The following PCDHA7 variants were observed in gnomAD, a reference collection of about 807,000 sequenced individuals.
The protein encoded by PCDHA7 is protocadherin alpha-7.
In PCDHA7, 37 loss-of-function variants were observed where a neutral mutation model predicts 57.2. The ratio of observed to expected loss-of-function variants is 0.65; its 90% CI spans 0.50 to 0.85. The LOEUF (loss-of-function observed/expected upper bound fraction) is 0.85, where lower values mean the gene tolerates loss of function less well. PCDHA7 is among the 40% of genes least tolerant of loss of function. The pLI is 0.00. For synonymous variants in PCDHA7, 553 were observed against 558.8 expected (o/e 0.99, Z 0.15); for missense variants, 1,188 against 1,241.8 (o/e 0.96, Z 0.65).
chr5:140,835,821 G>C lies in PCDHA7; in HGVS notation c.1438G>C (p.Gly480Arg), dbSNP rs2150245813. Residue 480 changes from glycine (G) to arginine (R), a missense_variant, in exon 1 of 4, where the codon GGG becomes CGG. Gly to Arg is a moderately radical substitution (Grantham distance 125). Transcript: ENST00000525929. ...PGCHIFTVSA[G>R]DADAQKNALV... ...CTGCCACATCTTCACTGTGTCGGCG[G>C]GGGACGCGGACGCGCAGAAGAACGC... 3.1e-6 allele frequency: 5 copies of C among 1,612,596 alleles called. No individual in the cohort carries two copies. Among genetic ancestry groups the C allele is most frequent in the Admixed American group, 1.7e-5 (1 of 59,992 alleles).
intron 1 of PCDHA7, chr5:140,928,636 A>G: frequency 6.2e-7 from 1 of 1,614,206 alleles, no homozygotes; most frequent in Non-Finnish European, 8.5e-7. Context: ...CTTGGTCACA[A>G]AAGTGGTAGC....
chr5:140,901,953 G>A (rs545807968), intron 1 of PCDHA7, among the ~76,000 whole-genome samples: 8 of 151,830 alleles, frequency 5.3e-5, no homozygotes, highest in Non-Finnish European at 7.4e-5. Flanking sequence ...AGTTTTATTC[G>A]TGGCTATCGT....
chr5:140,861,926 G>A (rs994509144), intron 1 of PCDHA7: 10 of 153,960 alleles, frequency 6.5e-5, no homozygotes, highest in African/African-American at 2.2e-4. Context: ...GGATGTAAAT[G>A]ATGATGCCCA....
chr5:140,933,937 T>A (rs1369497002), intron 1 of PCDHA7, among the ~76,000 whole-genome samples: 1 of 152,082 alleles, frequency 6.6e-6, no homozygotes. Context: ...GTGACTTTTT[T>A]TCACATCTGC....
At chr5:140,927,236 T>A in intron 1 of PCDHA7, 3 of 1,614,120 alleles carry the variant, frequency 1.9e-6, no homozygotes, top group Non-Finnish European at 2.5e-6. Context: ...ATTCACGTCC[T>A]GGACACCAAT....
rs2150416321 is a variant in PCDHA7 at position 140,848,658 on chromosome 5, G to C, written c.2355+11920G>C. On this transcript the variant is annotated intron_variant, in intron 1 of 3. Coordinates refer to ENST00000525929, the MANE Select transcript of PCDHA7 (RefSeq NM_018910.3). ...CCGCATCGCGCAGGACCTGGGGCTG[G>C]AGCTGGCGGAGCTGGTGCCGCGCCT... The C allele has an allele frequency of 2.5e-6, 4 of 1,592,362 alleles. No homozygotes were observed. The highest frequency in any genetic ancestry group is 4.5e-5 in the East Asian group (2 of 44,824).
intron 1 of PCDHA7, chr5:140,877,829 C>T (rs1554170159): frequency 1.9e-6 from 3 of 1,594,494 alleles, no homozygotes; most frequent in Non-Finnish European, 2.6e-6. Context: ...TGTTTAAATC[C>T]TCCCAGTGAA....
At chr5:140,923,839 A>G (rs2081544977) in intron 1 of PCDHA7, among the ~76,000 whole-genome samples, 1 of 152,236 alleles carries the variant, frequency 6.6e-6, no homozygotes, top group Non-Finnish European at 1.5e-5. Flanking sequence ...CAGTTTAAAT[A>G]GAGAAATGGG....
rs2150247732 is a variant in PCDHA7 at position 140,835,897 on chromosome 5, C to T, written c.1514C>T (p.Ser505Leu). The change falls in exon 1 of 4, where the codon TCG becomes TTG. Residue 505 changes from serine (S) to leucine (L), a missense_variant. Coordinates refer to ENST00000525929, the MANE Select transcript of PCDHA7 (RefSeq NM_018910.3). ...VELRVGERAL[S>L]SYVSVHAESG... ...CTGCGGGTGGGCGAGCGCGCGCTGT[C>T]GAGCTACGTGTCAGTGCACGCGGAG... 2.5e-6 allele frequency: 4 copies of T among 1,612,078 alleles called. No homozygotes were observed. Among genetic ancestry groups the T allele is most frequent in the Non-Finnish European group, 3.4e-6 (4 of 1,179,648 alleles).
chr5:140,944,472 G>C (rs1554216383), intron 1 of PCDHA7, among the ~76,000 whole-genome samples: 2 of 152,220 alleles, frequency 1.3e-5, no homozygotes, highest in Non-Finnish European at 2.9e-5. Context: ...CAGGTATGAG[G>C]CACTGGACTG....
At chr5:140,850,365 G>C in intron 1 of PCDHA7, 1 of 1,597,962 alleles carries the variant, frequency 6.3e-7, no homozygotes, top group Middle Eastern at 1.7e-4. Flanking sequence ...CCCGTTCCGC[G>C]TGGGGCTGTA....
At chr5:140,966,313 C>T (rs1349194825) in intron 1 of PCDHA7, 18 of 386,704 alleles carry the variant, frequency 4.7e-5, no homozygotes, top group African/African-American at 2.5e-4. Flanking sequence ...CGTGTTCCTG[C>T]GGTCCGCTGG....
rs75203598 is a variant in PCDHA7, at chr5:140,915,428, C to T, written c.2356-63521C>T. 8.0e-3 allele frequency among the ~76,000 whole-genome samples: 1,217 copies of T among 152,162 alleles called. 6 individuals are homozygous for T. The highest frequency in any genetic ancestry group is 0.019 in the African/African-American group (786 of 41,514). On this transcript the variant is annotated intron_variant, in intron 1 of 3. Transcript: ENST00000525929. The stretch of plus-strand genomic sequence containing the variant: ...TCTTTGCAGTCTGGGCTTGTTTATC[C>T]CTGTCCTTCTTGAGAAGGTTTTCCA...
intron 1 of PCDHA7, chr5:140,876,256 A>T: frequency 1.9e-6 from 3 of 1,614,042 alleles, no homozygotes; most frequent in Non-Finnish European, 2.5e-6. Context: ...CACAAGAGTG[A>T]TCCAACTAAA....
intron 1 of PCDHA7, chr5:140,876,137 T>G (rs782331817): frequency 1.2e-6 from 2 of 1,613,916 alleles, no homozygotes; most frequent in Non-Finnish European, 8.5e-7. Context: ...AAACCAGAAC[T>G]AACAGGGTCT....
intron 1 of PCDHA7, among the ~76,000 whole-genome samples, chr5:140,901,764 G>A (rs1217710808): frequency 6.6e-6 from 1 of 152,120 alleles, no homozygotes; most frequent in Non-Finnish European, 1.5e-5. Context: ...GACAGGGATT[G>A]CATTGAATTT....
intron 1 of PCDHA7, chr5:140,841,538 G>C (rs1488596274): frequency 9.3e-6 from 15 of 1,613,608 alleles, no homozygotes; most frequent in Admixed American, 1.7e-5. Context: ...AAGACACCGG[G>C]ACCTTCTGGA....
At chr5:140,952,445 G>A (rs1187543872) in intron 1 of PCDHA7, among the ~76,000 whole-genome samples, 1 of 152,002 alleles carries the variant, frequency 6.6e-6, no homozygotes, top group Non-Finnish European at 1.5e-5. Flanking sequence ...GCATAATACA[G>A]CCAGGCTCTT....
In PCDHA7 at chr5:140,876,944, C is replaced by T. The variant is rs550148099; in HGVS notation, c.2355+40206C>T. On this transcript the variant is annotated intron_variant, in intron 1 of 3. Transcript: ENST00000525929. ...GACGCGCAGAAGAACGCGCTGGTGT[C>T]CTACTCGCTGGTGGAGCGGCGGGTG... is the stretch of plus-strand genomic sequence containing the variant. The T allele has an allele frequency of 9.9e-6, 16 of 1,613,620 alleles. No individual in the cohort carries two copies. In the South Asian group the frequency reaches 1.5e-4, roughly 16 times the overall value.
Sources: gnomAD v4.1 joint callset for allele counts (sites outside exome capture counted in the v4.1 genomes callset) on GRCh38, gnomAD v4.1.1 for gene constraint, MANE v1.5 for transcripts, NCBI Gene and HGNC (gene_info 2026-07-23, HGNC 2026-07-21) for gene names.